The following CNTNAP2 variants were observed in gnomAD, a reference collection of about 807,000 sequenced individuals.
CNTNAP2 encodes contactin-associated protein-like 2.
In CNTNAP2, 98 loss-of-function variants were observed where a neutral mutation model predicts 155.2. That is an observed-to-expected ratio of 0.63 (90% CI 0.54 to 0.75). CNTNAP2 has a LOEUF of 0.75. CNTNAP2 is among the 30% of genes least tolerant of loss of function. CNTNAP2 has a pLI of 0.00. For synonymous variants in CNTNAP2, 651 were observed against 631.2 expected (o/e 1.03, Z -0.47); for missense variants, 1,727 against 1,688.1 (o/e 1.02, Z -0.40).
At chr7:146,795,679 A>G (rs1802756210) in intron 2 of CNTNAP2, among the ~76,000 whole-genome samples, 1 of 152,234 alleles carries the variant, frequency 6.6e-6, no homozygotes, top group Admixed American at 6.5e-5. Flanking sequence ...TGTTCAGGCA[A>G]GATGGGTTCT....
intron 1 of CNTNAP2, among the ~76,000 whole-genome samples, chr7:146,722,726 A>G (rs1003505580): frequency 6.6e-6 from 1 of 152,050 alleles, no homozygotes; most frequent in Non-Finnish European, 1.5e-5. Flanking sequence ...ATATATATAT[A>G]TACACGTTGG....
intron 8 of CNTNAP2, among the ~76,000 whole-genome samples, chr7:147,214,619 T>C (rs1461551107): frequency 2.6e-5 from 4 of 152,194 alleles, no homozygotes; most frequent in Non-Finnish European, 5.9e-5. Context: ...AAACAGGTTA[T>C]ATCAAAGGCA....
intron 1 of CNTNAP2, among the ~76,000 whole-genome samples, chr7:146,659,574 G>A (rs747735165): frequency 1.3e-5 from 2 of 152,106 alleles, no homozygotes; most frequent in Non-Finnish European, 2.9e-5. Flanking sequence ...GGCAGCTAAT[G>A]TTCCTTAAAA....
chr7:148,305,861 T>A (rs1797482131), intron 21 of CNTNAP2, among the ~76,000 whole-genome samples: 1 of 152,102 alleles, frequency 6.6e-6, no homozygotes, highest in Non-Finnish European at 1.5e-5. Context: ...CGTATCACCA[T>A]CCTTGCATCT....
At chr7:147,120,622 T>A (rs908394036) in intron 5 of CNTNAP2, among the ~76,000 whole-genome samples, 1 of 152,074 alleles carries the variant, frequency 6.6e-6, no homozygotes, top group Non-Finnish European at 1.5e-5. Context: ...TTTATTTATT[T>A]TTCTTTTTTT....
intron 15 of CNTNAP2, among the ~76,000 whole-genome samples, chr7:148,029,428 A>G (rs1046634206): frequency 7.9e-5 from 12 of 152,200 alleles, no homozygotes; most frequent in African/African-American, 2.9e-4. Flanking sequence ...TGCAGAAAAT[A>G]TATAGGTTTG....
chr7:146,594,255 G>A (rs920128501), intron 1 of CNTNAP2, among the ~76,000 whole-genome samples: 6 of 151,896 alleles, frequency 4.0e-5, no homozygotes, highest in Admixed American at 2.0e-4. Context: ...CTTAACTACC[G>A]TCCAGTTCTA....
At chr7:147,818,659 T>G (rs111617913) in intron 13 of CNTNAP2, among the ~76,000 whole-genome samples, 14 of 152,326 alleles carry the variant, frequency 9.2e-5, no homozygotes, top group African/African-American at 3.4e-4. Context: ...AATTCTATCT[T>G]AATCCCTTCC....
intron 15 of CNTNAP2, among the ~76,000 whole-genome samples, chr7:148,075,942 A>G (rs1350471435): frequency 1.3e-5 from 2 of 152,282 alleles, no homozygotes; most frequent in East Asian, 1.9e-4. Flanking sequence ...AGTAGCCTGT[A>G]TGTCTCTGAA....
intron 1 of CNTNAP2, among the ~76,000 whole-genome samples, chr7:146,398,849 A>G (rs1376260454): frequency 6.6e-6 from 1 of 151,942 alleles, no homozygotes; most frequent in Non-Finnish European, 1.5e-5. Context: ...TTTTCTTATG[A>G]ATTTAAAATT....
intron 6 of CNTNAP2, among the ~76,000 whole-genome samples, chr7:147,124,559 C>G (rs943135263): frequency 2.0e-5 from 3 of 152,048 alleles, no homozygotes; most frequent in African/African-American, 7.2e-5. Context: ...GACGGTATTT[C>G]CATCATATAG....
At chr7:146,179,853 G>A (rs1472258632) in intron 1 of CNTNAP2, among the ~76,000 whole-genome samples, 2 of 152,134 alleles carry the variant, frequency 1.3e-5, no homozygotes, top group South Asian at 2.1e-4. Context: ...AAATGTTGAC[G>A]AAGAAGAGAT....
At chr7:147,548,241 A>G (rs1476418342) in intron 11 of CNTNAP2, among the ~76,000 whole-genome samples, 2 of 152,096 alleles carry the variant, frequency 1.3e-5, no homozygotes, top group Non-Finnish European at 2.9e-5. Flanking sequence ...AAGTGTTCCT[A>G]TTTCTCCACA....
At chr7:146,482,608 T>C (rs1386086779) in intron 1 of CNTNAP2, among the ~76,000 whole-genome samples, 2 of 151,820 alleles carry the variant, frequency 1.3e-5, no homozygotes, top group African/African-American at 2.4e-5. Context: ...CTGGGCGTGG[T>C]GGCACACACC....
chr7:147,383,473 C>G (rs981758627), intron 9 of CNTNAP2, among the ~76,000 whole-genome samples: 3 of 152,092 alleles, frequency 2.0e-5, no homozygotes, highest in African/African-American at 7.2e-5. Context: ...TAAAAAGATA[C>G]ATAGTGCTGC....
intron 10 of CNTNAP2, among the ~76,000 whole-genome samples, chr7:147,469,725 A>T (rs181520031): frequency 0.015 from 2,339 of 151,630 alleles, 60 homozygotes; most frequent in African/African-American, 0.054. Context: ...TCATCGTGTT[A>T]GCCAGGATGA....
intron 1 of CNTNAP2, among the ~76,000 whole-genome samples, chr7:146,651,691 A>G (rs926177770): frequency 2.6e-5 from 4 of 152,178 alleles, no homozygotes; most frequent in Non-Finnish European, 5.9e-5. Flanking sequence ...ACATTATGAT[A>G]TTCTCTTATT....
intron 8 of CNTNAP2, among the ~76,000 whole-genome samples, chr7:147,149,068 G>T (rs2129288982): frequency 6.6e-6 from 1 of 152,110 alleles, no homozygotes; most frequent in African/African-American, 2.4e-5. Flanking sequence ...GGCTGGGGTG[G>T]CTAGCTCTTA....
At chr7:147,273,296 A>T (rs1804804176) in intron 8 of CNTNAP2, among the ~76,000 whole-genome samples, 1 of 152,196 alleles carries the variant, frequency 6.6e-6, no homozygotes, top group Non-Finnish European at 1.5e-5. Context: ...ATTAATAATT[A>T]TGGTAGCATG....
Sources: allele counts gnomAD v4.1 joint callset (sites outside exome capture counted in the v4.1 genomes callset), GRCh38; gene constraint gnomAD v4.1.1; transcripts MANE v1.5; gene names NCBI Gene and HGNC (gene_info 2026-07-23, HGNC 2026-07-21).